CNTNAP2: variants seen among roughly 807,000 people sequenced by gnomAD.
CNTNAP2 encodes contactin-associated protein-like 2.
A neutral mutation model predicts 155.2 loss-of-function variants in CNTNAP2; 98 were observed. The ratio of observed to expected loss-of-function variants is 0.63; its 90% CI spans 0.54 to 0.75. The LOEUF is 0.75. Ranked by LOEUF, CNTNAP2 falls within the 30% of genes least tolerant of loss-of-function variation. The probability of loss-of-function intolerance (pLI) is 0.00; values close to 1 mark genes in which losing one functional copy is unlikely to be tolerated. For synonymous variants in CNTNAP2, 651 were observed against 631.2 expected, an observed-to-expected ratio of 1.03 and a Z score of -0.47; for missense variants, 1,727 against 1,688.1, an observed-to-expected ratio of 1.02 and a Z score of -0.40.
intron 22 of CNTNAP2, 103 bp downstream of exon 22, chr7:148,383,991 A>C: frequency 3.4e-6 from 5 of 1,479,728 alleles, no homozygotes; most frequent in Non-Finnish European, 4.6e-6. Context: ...TGGTAATGTC[A>C]TTGGAGGATT....
intron 13 of CNTNAP2, among the ~76,000 whole-genome samples, chr7:147,650,907 T>C (rs941418009): frequency 2.6e-5 from 4 of 152,186 alleles, no homozygotes; most frequent in Non-Finnish European, 5.9e-5. Context: ...AGTATGTCCA[T>C]CATGGATAAA....
chr7:148,359,239 C>A (rs550860888), intron 21 of CNTNAP2, among the ~76,000 whole-genome samples: 1 of 152,162 alleles, frequency 6.6e-6, no homozygotes, highest in African/African-American at 2.4e-5. Context: ...CATTCTGTGA[C>A]GTTCCCACAA....
chr7:147,806,415 T>C (rs1354610455), intron 13 of CNTNAP2, among the ~76,000 whole-genome samples: 1 of 152,114 alleles, frequency 6.6e-6, no homozygotes, highest in Non-Finnish European at 1.5e-5. Context: ...AGTATAGTCA[T>C]TATGGAAAAC....
intron 3 of CNTNAP2, among the ~76,000 whole-genome samples, chr7:146,938,798 C>A (rs934131516): frequency 6.6e-6 from 1 of 151,996 alleles, no homozygotes; most frequent in Non-Finnish European, 1.5e-5. Context: ...TTTGTGTGCT[C>A]AAATCTATTG....
chr7:148,232,176 A>T (rs1293641640), intron 20 of CNTNAP2, among the ~76,000 whole-genome samples: 1 of 152,212 alleles, frequency 6.6e-6, no homozygotes, highest in Non-Finnish European at 1.5e-5. Flanking sequence ...GAGGGCAAAA[A>T]GAAAGTAAAG....
chr7:146,117,904 C>A (rs190660762), intron 1 of CNTNAP2, among the ~76,000 whole-genome samples: 3 of 152,056 alleles, frequency 2.0e-5, no homozygotes, highest in African/African-American at 7.2e-5. Flanking sequence ...TATTCATAAG[C>A]GCATACTAGT....
At chr7:147,795,331 C>G (rs1563091994) in intron 13 of CNTNAP2, among the ~76,000 whole-genome samples, 2 of 151,928 alleles carry the variant, frequency 1.3e-5, no homozygotes, top group Non-Finnish European at 1.5e-5. Context: ...TTAATCTATT[C>G]ACTTTTAATG....
Position 146,838,854 on chromosome 7 carries a change from TATC to T in CNTNAP2, c.209-854_209-852del, listed in dbSNP as rs571468931. Among the ~76,000 whole-genome samples the T allele has an allele frequency of 8.7e-4, 133 of 152,308 alleles. 1 individual carries two copies. Among genetic ancestry groups the T allele is most frequent in the African/African-American group, 3.1e-3 (127 of 41,588 alleles). ...TTGGATAATCTATTGAATATTTTTA[TATC>T]ATTCTCTTTAGTAGCTGAACTCACT... On this transcript the variant is annotated intron_variant, in intron 2 of 23. Coordinates refer to ENST00000361727, the MANE Select transcript of CNTNAP2 (RefSeq NM_014141.6).
chr7:147,317,761 G>GAT (rs774135300), intron 9 of CNTNAP2, among the ~76,000 whole-genome samples: 4,173 of 146,710 alleles, frequency 0.028, 108 homozygotes, highest in African/African-American at 0.076. Context: ...TCAAAAAAAG[G>GAT]ATATATATAT....
intron 15 of CNTNAP2, among the ~76,000 whole-genome samples, chr7:148,067,058 C>A (rs1338748197): frequency 6.6e-6 from 1 of 152,034 alleles, no homozygotes; most frequent in African/African-American, 2.4e-5. Context: ...TCTGGTGCCT[C>A]CTTGAGTATC....
At position 148,283,292 on chromosome 7, in the gene CNTNAP2, AAAGAAAGAAAGAAAGGAAGG is replaced by A. The variant is rs1298334852; in HGVS notation, c.3475+16170_3475+16189del. On this transcript the variant is annotated intron_variant, in intron 21 of 23. Transcript: ENST00000361727. ...GAAAGAAAGAAAGAAAGAAAGAAAGAAAGAAAGAAAGAAAGGAAGGAAGGAAGGAAAGAAAGAAAGAATTC... is the reference window on the plus strand; with the variant it reads ...GAAAGAAAGAAAGAAAGAAAGAAAGAAAGGAAGGAAAGAAAGAAAGAATTC... Among the ~76,000 whole-genome samples, 904 of 97,674 alleles carry A rather than the reference AAAGAAAGAAAGAAAGGAAGG, an allele frequency of 9.3e-3. 76 individuals carry two copies. Among genetic ancestry groups the A allele is most frequent in the African/African-American group, 0.049 (878 of 17,798 alleles). The allele number at this position is 97,674 out of a possible 152,430, so 64.1% of individuals were successfully genotyped here.
intron 3 of CNTNAP2, among the ~76,000 whole-genome samples, chr7:146,987,783 A>G (rs1436204479): frequency 1.3e-5 from 2 of 152,176 alleles, no homozygotes; most frequent in Non-Finnish European, 2.9e-5. Flanking sequence ...CTTAACAATG[A>G]TGTGAACTTT....
At chr7:146,942,090 C>T (rs1022026041) in intron 3 of CNTNAP2, among the ~76,000 whole-genome samples, 1 of 151,948 alleles carries the variant, frequency 6.6e-6, no homozygotes, top group Admixed American at 6.6e-5. Flanking sequence ...GCTTTCTATT[C>T]TTTTAATATT....
chr7:146,544,996 G>A (rs1403135366), intron 1 of CNTNAP2, among the ~76,000 whole-genome samples: 1 of 151,838 alleles, frequency 6.6e-6, no homozygotes, highest in Non-Finnish European at 1.5e-5. Context: ...AGTAAGCAAA[G>A]CAAAAAGGTG....
intron 1 of CNTNAP2, among the ~76,000 whole-genome samples, chr7:146,767,967 T>C (rs1488213805): frequency 6.6e-6 from 1 of 152,146 alleles, no homozygotes; most frequent in Non-Finnish European, 1.5e-5. Context: ...CACCAAAAAG[T>C]ATTAATTATA....
chr7:147,292,424 G>T (rs1247436781), intron 8 of CNTNAP2, among the ~76,000 whole-genome samples: 1 of 151,684 alleles, frequency 6.6e-6, no homozygotes, highest in Non-Finnish European at 1.5e-5. Context: ...TCTCTAACTT[G>T]GTTTTTCTTT....
rs1483080489 is a variant in CNTNAP2, at chr7:146,774,345, T to C, written c.172T>C (p.Tyr58His). 6 of 1,613,922 alleles carry C rather than the reference T, an allele frequency of 3.7e-6. No homozygotes were observed. Among genetic ancestry groups the C allele is most frequent in the Non-Finnish European group, 5.1e-6 (6 of 1,179,964 alleles). Reference protein sequence around the residue: ...FSSSSSISGSYSPGYAKINKR... With the variant: ...FSSSSSISGSHSPGYAKINKR... ...CAGCTCCTCCTCCATCTCTGGTAGC[T>C]ATTCTCCCGGCTATGCCAAGATAAA... The change falls in exon 2 of 24, where the codon TAT (tyrosine) becomes CAT (histidine). Residue 58 changes from tyrosine to histidine, a missense_variant. Transcript: ENST00000361727.
At chr7:146,335,685 T>C (rs1489575570) in intron 1 of CNTNAP2, among the ~76,000 whole-genome samples, 1 of 152,176 alleles carries the variant, frequency 6.6e-6, no homozygotes, top group Non-Finnish European at 1.5e-5. Flanking sequence ...TTAATATGAT[T>C]TTCTAACTCT....
At chr7:147,610,004 G>C (rs1801151546) in intron 12 of CNTNAP2, among the ~76,000 whole-genome samples, 2 of 151,974 alleles carry the variant, frequency 1.3e-5, no homozygotes, top group African/African-American at 4.8e-5. Flanking sequence ...TGGTGTGAAG[G>C]GTGAGGACAA....
Sources: allele counts gnomAD v4.1 joint callset (sites outside exome capture counted in the v4.1 genomes callset), GRCh38; gene constraint gnomAD v4.1.1; transcripts MANE v1.5; gene names NCBI Gene and HGNC (gene_info 2026-07-23, HGNC 2026-07-21).